The following CCDC201 variants were observed in gnomAD, a reference collection of about 807,000 sequenced individuals.
CCDC201 encodes coiled-coil domain containing 201, also known as coiled-coil domain-containing protein 201.
At chr7:45,867,075 A>C (rs1786686174) in intron 1 of CCDC201, among the ~76,000 whole-genome samples, 1 of 152,188 alleles carries the variant, frequency 6.6e-6, no homozygotes, top group African/African-American at 2.4e-5. Flanking sequence ...ATGCTCCTGC[A>C]CTCACACCCT....
the CCDC201 span, among the ~76,000 whole-genome samples, chr7:45,881,287 G>A: frequency 6.6e-6 from 1 of 152,282 alleles, no homozygotes; most frequent in Non-Finnish European, 1.5e-5. Flanking sequence ...CCACCCAGCT[G>A]CAGCAATGAT....
At chr7:45,883,975 C>T in the CCDC201 span, among the ~76,000 whole-genome samples, 1 of 151,588 alleles carries the variant, frequency 6.6e-6, no homozygotes, top group Admixed American at 6.6e-5. Flanking sequence ...CTTTTTCTTT[C>T]TTTCTTTTCT....
chr7:45,875,060 T>C (rs1407800469), upstream of CCDC201, among the ~76,000 whole-genome samples: 1 of 152,214 alleles, frequency 6.6e-6, no homozygotes, highest in African/African-American at 2.4e-5. Context: ...AGGAATACTT[T>C]GCAGCCAGTA....
At chr7:45,873,674 C>T (rs1257154171), upstream of CCDC201, among the ~76,000 whole-genome samples, 1 of 152,188 alleles carries the variant, frequency 6.6e-6, no homozygotes, top group Non-Finnish European at 1.5e-5. Flanking sequence ...GAATGAAAGG[C>T]AACACGTGCC....
chr7:45,876,749 C>G (rs1473346225), upstream of CCDC201, among the ~76,000 whole-genome samples: 1 of 152,224 alleles, frequency 6.6e-6, no homozygotes, highest in African/African-American at 2.4e-5. Context: ...CAGGTGCTGT[C>G]ATGGCCATCA....
chr7:45,872,414 C>T (rs1256352835), intron 1 of CCDC201, among the ~76,000 whole-genome samples: 2 of 152,218 alleles, frequency 1.3e-5, no homozygotes, highest in African/African-American at 4.8e-5. Flanking sequence ...TTTCCTTTTG[C>T]ATCTAGAGCA....
upstream of CCDC201, among the ~76,000 whole-genome samples, chr7:45,875,482 T>C (rs1786790999): frequency 6.7e-6 from 1 of 148,726 alleles, no homozygotes; most frequent in South Asian, 2.1e-4. Flanking sequence ...CACAGGCACA[T>C]ATGTACACAC....
the CCDC201 span, among the ~76,000 whole-genome samples, chr7:45,883,013 A>T: frequency 6.6e-6 from 1 of 152,294 alleles, no homozygotes; most frequent in East Asian, 1.9e-4. Context: ...AAGGGGCTTC[A>T]TCTCCAGCTG....
the CCDC201 span, among the ~76,000 whole-genome samples, chr7:45,881,659 C>A: frequency 4.7e-3 from 716 of 152,266 alleles, 12 homozygotes; most frequent in African/African-American, 0.016. Flanking sequence ...AGAATGAAGA[C>A]GAAGAGCACC....
chr7:45,881,065 A>C, the CCDC201 span, among the ~76,000 whole-genome samples: 5 of 152,206 alleles, frequency 3.3e-5, no homozygotes, highest in African/African-American at 1.2e-4. Flanking sequence ...TAATCAAACA[A>C]CACCACATCT....
intron 1 of CCDC201, among the ~76,000 whole-genome samples, chr7:45,869,728 C>T (rs1786721650): frequency 6.6e-6 from 1 of 152,172 alleles, no homozygotes; most frequent in South Asian, 2.1e-4. Flanking sequence ...TGTTTCTATC[C>T]CACCAACCAG....
exon 3 of CCDC201, chr7:45,863,150 C>T (rs1383910701): frequency 6.6e-6 from 1 of 152,224 alleles, no homozygotes; most frequent in Non-Finnish European, 1.5e-5. Context: ...ACGTAGATCT[C>T]CCACTGTCGC....
upstream of CCDC201, among the ~76,000 whole-genome samples, chr7:45,875,094 G>C (rs1786785307): frequency 6.6e-6 from 1 of 152,196 alleles, no homozygotes; most frequent in African/African-American, 2.4e-5. Context: ...ATGTGTATGT[G>C]CATGGATGTA....
chr7:45,868,699 T>A lies in CCDC201; in HGVS notation c.19-2205A>T, dbSNP rs916638991. On this transcript the variant is annotated intron_variant, in intron 1 of 2. Coordinates refer to ENST00000636578, the Ensembl canonical transcript of CCDC201. ...ATTTTTCAAAGCCAGCACTCTGACA[T>A]GGTTTTTGCATCCACTCTGGGGAGG... Among the ~76,000 whole-genome samples the A allele has an allele frequency of 2.0e-5, 3 of 152,172 alleles. No individual in the cohort carries two copies. In the East Asian group the frequency reaches 5.8e-4, roughly 29 times the overall value.
At chr7:45,875,735 G>T (rs73322998), upstream of CCDC201, among the ~76,000 whole-genome samples, 12,456 of 152,118 alleles carry the variant, frequency 0.082, 922 homozygotes, top group African/African-American at 0.19. Flanking sequence ...GGGGCTGCTT[G>T]GTCCCGGTTC....
chr7:45,874,996 G>A (rs1162758833), upstream of CCDC201, among the ~76,000 whole-genome samples: 1 of 152,320 alleles, frequency 6.6e-6, no homozygotes, highest in East Asian at 1.9e-4. Context: ...TAGATGCAGT[G>A]TGCAAAGCCA....
upstream of CCDC201, among the ~76,000 whole-genome samples, chr7:45,874,109 C>T (rs1419957369): frequency 6.6e-6 from 1 of 151,920 alleles, no homozygotes; most frequent in African/African-American, 2.4e-5. Context: ...TTTGTAGAGA[C>T]AGGCTTTGCC....
chr7:45,870,977 G>T (rs940537632), intron 1 of CCDC201, among the ~76,000 whole-genome samples: 2 of 152,060 alleles, frequency 1.3e-5, no homozygotes, highest in Non-Finnish European at 2.9e-5. Flanking sequence ...AAACTGCAAG[G>T]TAACATTAAG....
the CCDC201 span, among the ~76,000 whole-genome samples, chr7:45,881,253 C>T: frequency 1.3e-5 from 2 of 152,238 alleles, no homozygotes; most frequent in East Asian, 1.9e-4. Context: ...GTCCTCATTT[C>T]CCTCCACCAC....
Sources: allele counts gnomAD v4.1 joint callset (sites outside exome capture counted in the v4.1 genomes callset), GRCh38; gene constraint gnomAD v4.1.1; transcripts MANE v1.5; gene names NCBI Gene and HGNC (gene_info 2026-07-23, HGNC 2026-07-21).